The following NAB1 variants were observed in gnomAD, a reference collection of about 807,000 sequenced individuals.
NAB1 encodes the protein NGFI-A binding protein 1, also known as NGFI-A-binding protein 1.
In NAB1, 25 loss-of-function variants were observed where a neutral mutation model predicts 49.9. The observed-to-expected ratio is 0.50, with a 90% CI of 0.37 to 0.70. The LOEUF (loss-of-function observed/expected upper bound fraction) is 0.70. NAB1 is among the 30% of genes least tolerant of loss of function. NAB1 has a pLI of 0.00. For missense variants in NAB1, 489 were observed against 575.9 expected, an observed-to-expected ratio of 0.85 and a Z score of 1.54; for synonymous variants, 198 against 215.6, an observed-to-expected ratio of 0.92 and a Z score of 0.71.
chr2:190,658,479 A>T (rs1043478249), intron 3 of NAB1, among the ~76,000 whole-genome samples: 3 of 152,166 alleles, frequency 2.0e-5, no homozygotes, highest in African/African-American at 7.2e-5. Context: ...TTCATCAATA[A>T]ATGTCAATAA....
At position 190,675,612 on chromosome 2, in the gene NAB1, C is replaced by T. The variant is rs1695031129; in HGVS notation, c.1005+2460C>T. ...TTCAAAATTAAGATAATCAGTGTTA[C>T]TTTTCCCTGTGAATAACTCTTCTAA... On this transcript the variant is annotated intron_variant, in intron 6 of 9. Coordinates refer to ENST00000337386, the MANE Select transcript of NAB1 (RefSeq NM_005966.4). This position sits in a 1 kb window ranked among gnomAD's most constrained non-coding sequence, Gnocchi z 5.2. Among the ~76,000 whole-genome samples, 4 of 152,288 alleles carry T rather than the reference C, an allele frequency of 2.6e-5. No homozygotes were observed. The South Asian group carries it at 8.3e-4, about 32-fold the overall frequency.
chr2:190,687,432 A>G (rs1189279393), intron 9 of NAB1, 115 bp downstream of exon 9: 1 of 638,164 alleles, frequency 1.6e-6, no homozygotes. Context: ...CATTACTGAC[A>G]GTGTTCCTAC....
At chr2:190,687,151 A>G (rs1315553059) in intron 8 of NAB1, 50 bp from the exon 9 acceptor site, 2 of 1,220,542 alleles carry the variant, frequency 1.6e-6, no homozygotes, top group South Asian at 1.8e-5. Context: ...TTTAAGAAAA[A>G]CCATGGTATG....
intron 6 of NAB1, 115 bp from the exon 7 acceptor site, chr2:190,683,623 C>T: frequency 1.5e-6 from 1 of 666,604 alleles, no homozygotes; most frequent in South Asian, 2.1e-5. Flanking sequence ...CCATTAAAAT[C>T]TTAATCATGA....
At position 190,659,090 on chromosome 2, in the gene NAB1, A is replaced by G. The variant is rs1268161319; in HGVS notation, c.-19-68A>G. 1 of 1,034,478 alleles carries G rather than the reference A, an allele frequency of 9.7e-7. No homozygotes were observed. The highest frequency in any genetic ancestry group is 1.7e-5 in the South Asian group (1 of 58,618). 64.1% of individuals were successfully genotyped at this position (1,034,478 alleles called of 1,614,324 possible). On this transcript the variant is annotated intron_variant, in intron 3 of 9. Transcript: ENST00000337386. The surrounding 1 kb of genome is among the most constrained non-coding windows in gnomAD (Gnocchi z 6.2). ...TTTTTGTTCTTAAAACCTGTAGTGT[A>G]ACCTATTTGGTGTAAGGAGTTTGAA...
In NAB1 at chr2:190,654,258, A is replaced by G. The variant is rs1229465867; in HGVS notation, c.-196-1719A>G. Among the ~76,000 whole-genome samples, 1 of 152,200 alleles carries G rather than the reference A, an allele frequency of 6.6e-6. No homozygotes were observed. Among genetic ancestry groups the G allele is most frequent in the African/African-American group, 2.4e-5 (1 of 41,454 alleles). On this transcript the variant is annotated intron_variant, in intron 2 of 9. Coordinates refer to ENST00000337386, the MANE Select transcript of NAB1 (RefSeq NM_005966.4). This position sits in a 1 kb window ranked among gnomAD's most constrained non-coding sequence, Gnocchi z 5.6. Reference sequence around the variant, plus strand: ...CATGACTCCTTCACAGCTGCACAGCATTTACCACATTGTTTAAGTCTCTGC... The same window carrying G: ...CATGACTCCTTCACAGCTGCACAGCGTTTACCACATTGTTTAAGTCTCTGC...
chr2:190,653,921 A>G (rs1233305561), intron 2 of NAB1: 1 of 152,176 alleles, frequency 6.6e-6, no homozygotes, highest in Non-Finnish European at 1.5e-5. Context: ...AAGAAGAAGT[A>G]TTAAGGATGA....
chr2:190,653,060 A>G (rs943950686), intron 2 of NAB1, among the ~76,000 whole-genome samples: 4 of 152,200 alleles, frequency 2.6e-5, no homozygotes, highest in Non-Finnish European at 5.9e-5. Flanking sequence ...AGGGAAGCCA[A>G]AAGATTGGAC....
intron 3 of NAB1, among the ~76,000 whole-genome samples, chr2:190,658,307 TGTGCCATGTGCGA>T (rs1694034553): frequency 6.6e-6 from 1 of 152,308 alleles, no homozygotes; most frequent in South Asian, 2.1e-4. Context: ...CCTTCTACCC[TGTGCCATGTGCGA>T]GTGCCATGTG....
rs1401550821 is a variant in NAB1 at position 190,674,818 on chromosome 2, A to G, written c.1005+1666A>G. ...ATAATCCCAACACTTCGGGAGGCCA[A>G]GACAGAAGGATTGCTTGAGCTCAGG... is the stretch of plus-strand genomic sequence containing the variant. On this transcript the variant is annotated intron_variant, in intron 6 of 9. Coordinates refer to ENST00000337386, the MANE Select transcript of NAB1 (RefSeq NM_005966.4). This position sits in a 1 kb window ranked among gnomAD's most constrained non-coding sequence, Gnocchi z 5.7. Among the ~76,000 whole-genome samples the G allele has an allele frequency of 6.6e-6, 1 of 152,242 alleles. No individual in the cohort carries two copies. The highest frequency in any genetic ancestry group is 1.5e-5 in the Non-Finnish European group (1 of 68,048).
upstream of NAB1, chr2:190,648,984 A>AGGCGGCGGAGGCG (rs1170558447): frequency 8.4e-6 from 1 of 118,910 alleles, no homozygotes; most frequent in African/African-American, 3.1e-5. Context: ...GGGGGAGTGG[A>AGGCGGCGGAGGCG]GGCGGCGGAG....
chr2:190,670,576 C>A lies in NAB1; in HGVS notation c.953+117C>A. 8.8e-7 allele frequency: 1 copy of A among 1,134,520 alleles called. No homozygotes were observed. Among genetic ancestry groups the A allele is most frequent in the Non-Finnish European group, 1.2e-6 (1 of 803,350 alleles). The allele number at this position is 1,134,520 out of a possible 1,614,324, so 70.3% of individuals were successfully genotyped here. On this transcript the variant is annotated intron_variant, in intron 5 of 9. Transcript: ENST00000337386. The surrounding 1 kb of genome is among the most constrained non-coding windows in gnomAD (Gnocchi z 5.3). ...AAAAAGTGGAAGTATGATTATTGTT[C>A]TATGAAACTAAACAATGCAGTGATT... is the stretch of plus-strand genomic sequence containing the variant.
At position 190,676,357 on chromosome 2, in the gene NAB1, C is replaced by T. The variant is rs1303610515; in HGVS notation, c.1005+3205C>T. Among the ~76,000 whole-genome samples the T allele has an allele frequency of 1.3e-5, 2 of 152,166 alleles. No individual in the cohort carries two copies. The highest frequency in any genetic ancestry group is 2.9e-5 in the Non-Finnish European group (2 of 68,028). On this transcript the variant is annotated intron_variant, in intron 6 of 9. Transcript: ENST00000337386. The surrounding 1 kb of genome is among the most constrained non-coding windows in gnomAD (Gnocchi z 4.6). ...ATAAAACTAGAAAGAATTTAGAATT[C>T]TTTTAACATACTTTTTCTCTTATTT...
chr2:190,688,196 A>C (rs1207474033), intron 9 of NAB1, among the ~76,000 whole-genome samples: 4 of 152,250 alleles, frequency 2.6e-5, no homozygotes, highest in Non-Finnish European at 5.9e-5. Flanking sequence ...AAGCCAAATA[A>C]ATAGCTCCAA....
chr2:190,672,698 G>A (rs1195630579), intron 5 of NAB1, among the ~76,000 whole-genome samples: 4 of 151,904 alleles, frequency 2.6e-5, no homozygotes, highest in African/African-American at 9.7e-5. Context: ...GTGCTAGGCT[G>A]GGCACAGTGG....
chr2:190,687,814 T>A (rs1695694948), intron 9 of NAB1, among the ~76,000 whole-genome samples: 1 of 152,216 alleles, frequency 6.6e-6, no homozygotes. Flanking sequence ...TATATGAAAG[T>A]TTAATAATAA....
chr2:190,687,300 C>A lies in NAB1; in HGVS notation c.1358C>A (p.Ala453Glu), dbSNP rs377104010. 3.8e-6 allele frequency: 6 copies of A among 1,584,930 alleles called. No individual in the cohort carries two copies. The change falls in exon 9 of 10, where the codon GCA becomes GAA. Residue 453 changes from alanine (A) to glutamate (E), a missense_variant. Around this residue, in one of 4 missense-constraint regions of NAB1, gnomAD observed 212 missense variants for 199.3 expected, o/e 1.06. Coordinates refer to ENST00000337386, the MANE Select transcript of NAB1 (RefSeq NM_005966.4). ...GELSRLYPSE[A>E]KSHSSESLGI... ...CTGAGCAGACTTTACCCCAGTGAGG[C>A]AAAGTCCCACTCATCAGGTGAGAAC...
intron 6 of NAB1, among the ~76,000 whole-genome samples, chr2:190,673,835 C>CAT (rs1694942552): frequency 6.6e-6 from 1 of 152,144 alleles, no homozygotes; most frequent in African/African-American, 2.4e-5. Flanking sequence ...TTAGGACTCT[C>CAT]CGAACTATAG....
chr2:190,661,731 C>T (rs1209734033), intron 4 of NAB1, among the ~76,000 whole-genome samples: 1 of 152,072 alleles, frequency 6.6e-6, no homozygotes, highest in Non-Finnish European at 1.5e-5. Context: ...AAATGAATGC[C>T]AGTAGGCTGA....
Sources: allele counts gnomAD v4.1 joint callset (sites outside exome capture counted in the v4.1 genomes callset), GRCh38; gene constraint gnomAD v4.1.1; regional missense constraint gnomAD v4.1.1; non-coding constraint Gnocchi (gnomAD v3.1); transcripts MANE v1.5; gene names NCBI Gene and HGNC (gene_info 2026-07-23, HGNC 2026-07-21).